Variants in PYY observed in about 807,000 individuals in gnomAD.
PYY encodes the protein peptide YY.
PYY carries 12 observed loss-of-function variants against 10.3 expected under a neutral mutation model. The ratio of observed to expected loss-of-function variants is 1.17; its 90% CI spans 0.75 to 1.89. The LOEUF (loss-of-function observed/expected upper bound fraction) is 1.89. Among genes scored for constraint, PYY ranks in the 40% most tolerant of loss-of-function variants. The pLI is 0.00. For synonymous variants in PYY, 66 were observed against 62.0 expected, an observed-to-expected ratio of 1.06 and a Z score of -0.30; for missense variants, 141 against 134.0, an observed-to-expected ratio of 1.05 and a Z score of -0.26.
upstream of PYY, among the ~76,000 whole-genome samples, chr17:43,957,261 G>T (rs991413437): frequency 6.6e-6 from 1 of 151,982 alleles, no homozygotes; most frequent in African/African-American, 2.4e-5. Context: ...CCTGCTGTGT[G>T]CCAGGCACTG....
chr17:43,985,917 ATATATGTCTATAC>A (rs754343204), intron 1 of PYY, among the ~76,000 whole-genome samples: 6 of 152,226 alleles, frequency 3.9e-5, no homozygotes, highest in Non-Finnish European at 8.8e-5. Context: ...ATTTCGTAAA[ATATATGTCTATAC>A]ACAGGAAGAA....
intron 1 of PYY, among the ~76,000 whole-genome samples, chr17:43,975,571 T>C (rs940885085): frequency 6.6e-6 from 1 of 151,348 alleles, no homozygotes; most frequent in Non-Finnish European, 1.5e-5. Context: ...TAAAATAAAA[T>C]AGCTGAGTAT....
At chr17:43,980,464 TTTTTGTTTTG>T (rs566304431) in intron 1 of PYY, among the ~76,000 whole-genome samples, 4 of 141,234 alleles carry the variant, frequency 2.8e-5, no homozygotes, top group Non-Finnish European at 4.6e-5. Context: ...ATGCCTGGAC[TTTTTGTTTTG>T]TTTTGTTTTG....
In PYY at chr17:43,953,332, G is replaced by A. The variant is rs1715447507; in HGVS notation, c.152C>T (p.Ser51Phe). ...SPEELNRYYA[S>F]LRHYLNLVTR... Reference sequence around the variant, plus strand: ...GACCAGGTTGAGGTAGTGGCGCAGGGAGGCGTAGTAGCGGTTCAGCTCCTC... The same window carrying A: ...GACCAGGTTGAGGTAGTGGCGCAGGAAGGCGTAGTAGCGGTTCAGCTCCTC... The change falls in exon 2 of 4, where the codon TCC (serine) becomes TTC (phenylalanine). Residue 51 changes from serine (S) to phenylalanine (F), a missense_variant. Coordinates refer to ENST00000692052, the MANE Select transcript of PYY (RefSeq NM_001394028.1). The A allele has an allele frequency of 1.2e-5, 19 of 1,612,818 alleles. No individual in the cohort carries two copies. The South Asian group carries it at 2.0e-4, about 17-fold the overall frequency.
chr17:43,958,135 CAAAAAAAAAAAA>C (rs10661189), upstream of PYY: 2 of 47,278 alleles, frequency 4.2e-5, no homozygotes, highest in South Asian at 1.2e-3. Flanking sequence ...CTGAATACAC[CAAAAAAAAAAAA>C]AAAAAAAAAA....
chr17:43,995,575 TG>T (rs1330048744), intron 1 of PYY, among the ~76,000 whole-genome samples: 21 of 152,322 alleles, frequency 1.4e-4, no homozygotes, highest in Non-Finnish European at 2.1e-4. Context: ...GGCTCACGCC[TG>T]TAATCCCAGT....
chr17:43,970,604 A>G (rs2048785902), intron 1 of PYY, among the ~76,000 whole-genome samples: 1 of 152,196 alleles, frequency 6.6e-6, no homozygotes, highest in African/African-American at 2.4e-5. Context: ...CCATGCAAAT[A>G]TGGCAAATTG....
At chr17:43,967,723 G>A (rs1245218188) in intron 1 of PYY, among the ~76,000 whole-genome samples, 3 of 152,114 alleles carry the variant, frequency 2.0e-5, no homozygotes, top group African/African-American at 4.8e-5. Context: ...ACACGCACGG[G>A]GCAGCTCTCT....
intron 1 of PYY, among the ~76,000 whole-genome samples, chr17:43,968,539 C>T (rs908124355): frequency 4.6e-5 from 7 of 152,198 alleles, no homozygotes; most frequent in African/African-American, 7.2e-5. Flanking sequence ...TGGCCAGGCG[C>T]GGTGGCTCAT....
At chr17:43,999,647 A>G in intron 1 of PYY, among the ~76,000 whole-genome samples, 1 of 152,106 alleles carries the variant, frequency 6.6e-6, no homozygotes. Flanking sequence ...GCGTGCCTGT[A>G]ATCCCAGCTA....
At position 43,953,311 on chromosome 17, in the gene PYY, A is replaced by C. The variant is rs921989216; in HGVS notation, c.173T>G (p.Leu58Arg). 3.1e-6 allele frequency: 5 copies of C among 1,612,468 alleles called. No individual in the cohort carries two copies. In the South Asian group the frequency reaches 5.5e-5, roughly 18 times the overall value. The change falls in exon 2 of 4, where the codon CTG becomes CGG. Residue 58 changes from leucine (L) to arginine (R), a missense_variant. Physicochemically the swap from Leu to Arg is moderately radical, Grantham distance 102. Coordinates refer to ENST00000692052, the MANE Select transcript of PYY (RefSeq NM_001394028.1). ...YYASLRHYLN[L>R]VTRQRYGKRD... ...CTGCGCTCACCGCTGCCGGGTGACCAGGTTGAGGTAGTGGCGCAGGGAGGC... is the reference window on the plus strand; with the variant it reads ...CTGCGCTCACCGCTGCCGGGTGACCCGGTTGAGGTAGTGGCGCAGGGAGGC...
At chr17:43,979,193 C>G (rs2048867608) in intron 1 of PYY, among the ~76,000 whole-genome samples, 1 of 152,222 alleles carries the variant, frequency 6.6e-6, no homozygotes, top group Non-Finnish European at 1.5e-5. Context: ...AGCAGCATCA[C>G]TTGGCGGCTA....
upstream of PYY, among the ~76,000 whole-genome samples, chr17:43,954,794 A>G (rs1046860783): frequency 1.3e-4 from 20 of 152,222 alleles, no homozygotes; most frequent in African/African-American, 4.8e-4. Context: ...TCCCCAGCCC[A>G]TGGCAGTCTC....
At chr17:43,977,492 G>A (rs1029299822) in intron 1 of PYY, among the ~76,000 whole-genome samples, 1 of 151,994 alleles carries the variant, frequency 6.6e-6, no homozygotes, top group African/African-American at 2.4e-5. Context: ...CTGGGAACAC[G>A]CTGCAGGTGT....
intron 1 of PYY, among the ~76,000 whole-genome samples, chr17:44,000,614 T>C (rs1313790746): frequency 2.0e-5 from 3 of 146,730 alleles, no homozygotes; most frequent in Non-Finnish European, 4.5e-5. Context: ...TCACACAGGC[T>C]GGAGTGCAGT....
intron 1 of PYY, among the ~76,000 whole-genome samples, chr17:43,992,145 T>C (rs1355639326): frequency 1.6e-5 from 2 of 126,820 alleles, no homozygotes; most frequent in East Asian, 5.3e-4. Flanking sequence ...AAAAAAAACC[T>C]TTACCAGATA....
upstream of PYY, among the ~76,000 whole-genome samples, chr17:43,955,962 G>A (rs1003958596): frequency 5.3e-5 from 8 of 152,032 alleles, no homozygotes; most frequent in Non-Finnish European, 7.4e-5. Flanking sequence ...CTGACCCTGC[G>A]GCGGCACTAA....
At chr17:43,972,955 C>T (rs550830855) in intron 1 of PYY, among the ~76,000 whole-genome samples, 59 of 151,540 alleles carry the variant, frequency 3.9e-4, no homozygotes, top group Non-Finnish European at 3.2e-4. Flanking sequence ...CCTCGTGATC[C>T]GCCCGCCTCA....
chr17:43,976,697 G>A (rs373669118), intron 1 of PYY, among the ~76,000 whole-genome samples: 5 of 152,108 alleles, frequency 3.3e-5, no homozygotes, highest in East Asian at 3.9e-4. Context: ...ACTTGAACCC[G>A]GGAGGTCAAG....
Sources: allele counts gnomAD v4.1 joint callset (sites outside exome capture counted in the v4.1 genomes callset), GRCh38; gene constraint gnomAD v4.1.1; transcripts MANE v1.5; gene names NCBI Gene and HGNC (gene_info 2026-07-23, HGNC 2026-07-21).